The following CCDC73 variants were observed in gnomAD, a reference collection of about 807,000 sequenced individuals.
CCDC73 encodes coiled-coil domain-containing protein 73.
A neutral mutation model predicts 116.5 loss-of-function variants in CCDC73; 95 were observed. The observed-to-expected ratio is 0.82, with a 90% CI of 0.69 to 0.97. The LOEUF is 0.97. Ranked by LOEUF, CCDC73 falls within the 50% of genes least tolerant of loss-of-function variation. The probability of loss-of-function intolerance (pLI) is 0.00; values close to 1 mark genes in which losing one functional copy is unlikely to be tolerated. For missense variants in CCDC73, 1,066 were observed against 1,206.8 expected, an observed-to-expected ratio of 0.88 and a Z score of 1.73; for synonymous variants, 398 against 401.3, an observed-to-expected ratio of 0.99 and a Z score of 0.10.
chr11:32,622,621 A>G (rs1855532193), intron 14 of CCDC73, among the ~76,000 whole-genome samples: 1 of 149,190 alleles, frequency 6.7e-6, no homozygotes, highest in African/African-American at 2.5e-5. Flanking sequence ...ACGTATAACT[A>G]TGTAACAAAC....
chr11:32,605,398 CA>C (rs1426315802), intron 17 of CCDC73: 1 of 152,032 alleles, frequency 6.6e-6, no homozygotes, highest in Admixed American at 6.6e-5. Flanking sequence ...AGAACCTAGG[CA>C]AGTCATTTAA....
intron 17 of CCDC73, chr11:32,605,157 A>G (rs1197533421): frequency 6.8e-6 from 1 of 148,108 alleles, no homozygotes; most frequent in Non-Finnish European, 1.5e-5. Context: ...CGACCTAGTA[A>G]TACTTTTTTT....
At chr11:32,688,639 T>C (rs1429287985) in intron 6 of CCDC73, among the ~76,000 whole-genome samples, 1 of 152,214 alleles carries the variant, frequency 6.6e-6, no homozygotes, top group Non-Finnish European at 1.5e-5. Context: ...ACTATGGTAA[T>C]GAGATGATAG....
At chr11:32,724,589 G>A (rs538958883) in intron 2 of CCDC73, among the ~76,000 whole-genome samples, 14 of 151,944 alleles carry the variant, frequency 9.2e-5, no homozygotes, top group Middle Eastern at 6.8e-3. Context: ...CGATTTTTTA[G>A]AATTCAATAG....
the CCDC73 span, among the ~76,000 whole-genome samples, chr11:32,818,536 T>C: frequency 6.6e-6 from 1 of 152,322 alleles, no homozygotes; most frequent in South Asian, 2.1e-4. Flanking sequence ...CCATATGGCC[T>C]GGCAGTTCCA....
chr11:32,768,659 G>T (rs986692848), intron 1 of CCDC73, among the ~76,000 whole-genome samples: 3 of 152,104 alleles, frequency 2.0e-5, no homozygotes, highest in African/African-American at 7.2e-5. Flanking sequence ...TAAGAACTTT[G>T]CAGATGCAAA....
intron 1 of CCDC73, among the ~76,000 whole-genome samples, chr11:32,792,807 T>C (rs777759019): frequency 6.6e-6 from 1 of 152,212 alleles, no homozygotes; most frequent in South Asian, 2.1e-4. Flanking sequence ...GGCTGTGTAA[T>C]CAGCCTTGCA....
intron 14 of CCDC73, among the ~76,000 whole-genome samples, chr11:32,622,192 A>T (rs1855527812): frequency 6.6e-6 from 1 of 152,182 alleles, no homozygotes; most frequent in South Asian, 2.1e-4. Flanking sequence ...TTATTCTGTT[A>T]TAAAGATACA....
intron 12 of CCDC73, among the ~76,000 whole-genome samples, chr11:32,643,906 CACTT>C (rs1249945293): frequency 4.6e-5 from 7 of 151,992 alleles, no homozygotes; most frequent in Admixed American, 4.6e-4. Flanking sequence ...TTTGAAATAA[CACTT>C]AGCTTAAAAC....
At chr11:32,661,229 T>C (rs898017219) in intron 9 of CCDC73, among the ~76,000 whole-genome samples, 1 of 152,180 alleles carries the variant, frequency 6.6e-6, no homozygotes, top group Non-Finnish European at 1.5e-5. Flanking sequence ...GAGCATGAAT[T>C]GTCAAAAATG....
At chr11:32,755,895 ATATATATC>A (rs1850337155) in intron 2 of CCDC73, among the ~76,000 whole-genome samples, 1 of 88,482 alleles carries the variant, frequency 1.1e-5, no homozygotes, top group Non-Finnish European at 2.1e-5. Flanking sequence ...ATATATCTCC[ATATATATC>A]TATATATATC....
At position 32,613,555 on chromosome 11, in the gene CCDC73, C is replaced by T. The variant is rs757044342; in HGVS notation, c.2763G>A (p.Ala921=). The T allele has an allele frequency of 3.7e-6, 6 of 1,613,920 alleles. No homozygotes were observed. Among genetic ancestry groups the T allele is most frequent in the African/African-American group, 1.3e-5 (1 of 74,898 alleles). ...SKVNHIESQT[A]SSSTPCISLL... ...AAGAAATGCAAGGGGTCGAACTGCT[C>T]GCTGTTTGACTTTCAATGTGATTTA... is the stretch of plus-strand genomic sequence containing the variant. Residue 921 remains alanine (A), a synonymous_variant, in exon 16 of 18, where the codon GCG becomes GCA. Coordinates refer to ENST00000335185, the MANE Select transcript of CCDC73 (RefSeq NM_001008391.4).
chr11:32,619,144 T>A (rs1855500447), intron 14 of CCDC73, among the ~76,000 whole-genome samples: 1 of 152,220 alleles, frequency 6.6e-6, no homozygotes, highest in Non-Finnish European at 1.5e-5. Flanking sequence ...TTTGTTTTTT[T>A]ACTGTGCAGA....
At chr11:32,791,754 AC>A (rs1337855397) in intron 1 of CCDC73, among the ~76,000 whole-genome samples, 2 of 152,192 alleles carry the variant, frequency 1.3e-5, no homozygotes, top group African/African-American at 4.8e-5. Context: ...GGAGCTCAAG[AC>A]CTCAAGACCA....
chr11:32,621,060 A>G (rs566883834), intron 14 of CCDC73, among the ~76,000 whole-genome samples: 159 of 152,316 alleles, frequency 1.0e-3, no homozygotes, highest in Admixed American at 2.3e-3. Context: ...ATTCTCATGG[A>G]TAGGAAGAAT....
intron 3 of CCDC73, among the ~76,000 whole-genome samples, chr11:32,707,404 C>T (rs1446793455): frequency 9.4e-5 from 14 of 149,676 alleles, no homozygotes; most frequent in Non-Finnish European, 2.1e-4. Context: ...TTTTTAACCA[C>T]TATAGATACG....
intron 12 of CCDC73, among the ~76,000 whole-genome samples, chr11:32,651,291 C>T (rs1267050131): frequency 6.6e-6 from 1 of 152,206 alleles, no homozygotes; most frequent in Non-Finnish European, 1.5e-5. Context: ...CCCACCAAGT[C>T]ACCTGCCTAA....
At chr11:32,644,367 G>A (rs1855758673) in intron 12 of CCDC73, among the ~76,000 whole-genome samples, 2 of 152,014 alleles carry the variant, frequency 1.3e-5, no homozygotes, top group Non-Finnish European at 2.9e-5. Flanking sequence ...TACCAATCAG[G>A]TACTATACTT....
At chr11:32,662,083 G>A (rs1444369901) in intron 9 of CCDC73, among the ~76,000 whole-genome samples, 1 of 152,090 alleles carries the variant, frequency 6.6e-6, no homozygotes, top group Non-Finnish European at 1.5e-5. Flanking sequence ...CCAGTCTATC[G>A]TGGTTGGACA....
Sources: allele counts gnomAD v4.1 joint callset (sites outside exome capture counted in the v4.1 genomes callset), GRCh38; gene constraint gnomAD v4.1.1; transcripts MANE v1.5; gene names NCBI Gene and HGNC (gene_info 2026-07-23, HGNC 2026-07-21).